Variants in MECOM observed in about 807,000 individuals in gnomAD.
The protein encoded by MECOM is MDS1 and EVI1 complex locus, also known as histone-lysine N-methyltransferase MECOM.
Under a neutral mutation model 116.3 loss-of-function variants are expected in MECOM, and 13 were observed. The ratio of observed to expected loss-of-function variants is 0.11; its 90% CI spans 0.07 to 0.18. MECOM has a LOEUF of 0.18. Among genes scored for constraint, MECOM ranks in the 10% least tolerant of loss-of-function variants. The probability of loss-of-function intolerance (pLI) is 1.00; values close to 1 mark genes in which losing one functional copy is unlikely to be tolerated. For missense variants in MECOM, 1,299 were observed against 1,509.0 expected, an observed-to-expected ratio of 0.86 and a Z score of 2.31; for synonymous variants, 528 against 535.2, an observed-to-expected ratio of 0.99 and a Z score of 0.19.
chr3:169,494,044 G>A (rs1207633775), intron 1 of MECOM, among the ~76,000 whole-genome samples: 4 of 152,040 alleles, frequency 2.6e-5, no homozygotes, highest in African/African-American at 9.7e-5. Context: ...AGATCAAAGA[G>A]GTAGAGCTTT....
At chr3:169,231,871 C>T (rs562181175) in intron 2 of MECOM, among the ~76,000 whole-genome samples, 1 of 152,088 alleles carries the variant, frequency 6.6e-6, no homozygotes, top group South Asian at 2.1e-4. Flanking sequence ...TCTACAGATC[C>T]TATATACTTG....
At chr3:169,229,209 A>AAG (rs1263560792) in intron 2 of MECOM, among the ~76,000 whole-genome samples, 1 of 152,186 alleles carries the variant, frequency 6.6e-6, no homozygotes, top group East Asian at 1.9e-4. Flanking sequence ...ACAGGAACTG[A>AAG]AGAGATTCCT....
intron 1 of MECOM, among the ~76,000 whole-genome samples, chr3:169,587,263 T>G (rs1438846490): frequency 1.3e-5 from 2 of 152,174 alleles, no homozygotes; most frequent in African/African-American, 4.8e-5. Flanking sequence ...TCAGCAACAT[T>G]TATCAAAAAG....
At position 169,421,688 on chromosome 3, in the gene MECOM, A is replaced by T. The variant is rs188397412; in HGVS notation, c.38-40164T>A. 5.3e-3 allele frequency among the ~76,000 whole-genome samples: 697 copies of T among 132,572 alleles called. 8 individuals carry two copies. Among genetic ancestry groups the T allele is most frequent in the African/African-American group, 0.017 (577 of 34,864 alleles). 87.0% of individuals were successfully genotyped at this position (132,572 alleles called of 152,430 possible). ...TCACTTATAGCATGTTTGTTTTTTT[A>T]AAAAAAAAAAACAAAACGATTTCTT... On this transcript the variant is annotated intron_variant, in intron 1 of 16. Transcript: ENST00000651503.
intron 1 of MECOM, among the ~76,000 whole-genome samples, chr3:169,424,573 G>A (rs755959045): frequency 6.6e-6 from 1 of 152,056 alleles, no homozygotes; most frequent in Non-Finnish European, 1.5e-5. Context: ...CTTCTGAAGG[G>A]TACACAATGT....
At chr3:169,647,588 C>T (rs993336592) in intron 1 of MECOM, among the ~76,000 whole-genome samples, 5 of 152,118 alleles carry the variant, frequency 3.3e-5, no homozygotes, top group African/African-American at 1.2e-4. Flanking sequence ...AAATATTGTG[C>T]TCTAAGGGAT....
At chr3:169,634,131 G>T (rs907601722) in intron 1 of MECOM, among the ~76,000 whole-genome samples, 3 of 151,968 alleles carry the variant, frequency 2.0e-5, no homozygotes, top group Non-Finnish European at 2.9e-5. Context: ...GAGGAAAACT[G>T]CATTAATGAC....
intron 1 of MECOM, among the ~76,000 whole-genome samples, chr3:169,452,063 C>G (rs976094075): frequency 2.6e-5 from 4 of 151,928 alleles, no homozygotes; most frequent in African/African-American, 7.3e-5. Context: ...GGTAGTCCTT[C>G]CCAAATAATA....
chr3:169,545,923 A>G (rs192852703), intron 1 of MECOM, among the ~76,000 whole-genome samples: 220 of 152,264 alleles, frequency 1.4e-3, no homozygotes, highest in African/African-American at 5.1e-3. Context: ...ATGGCCCTCA[A>G]CAGGAATGAT....
intron 1 of MECOM, chr3:169,470,178 G>A (rs1748973153): frequency 6.6e-6 from 1 of 152,156 alleles, no homozygotes; most frequent in Admixed American, 6.5e-5. Context: ...AGCTTATTGA[G>A]GAGCTCTTCA....
At chr3:169,169,928 A>C (rs1056062774) in intron 2 of MECOM, among the ~76,000 whole-genome samples, 1 of 152,066 alleles carries the variant, frequency 6.6e-6, no homozygotes, top group African/African-American at 2.4e-5. Flanking sequence ...CTAATTAAGT[A>C]ATATTTTAGG....
At chr3:169,102,776 A>T (rs1302383667) in intron 10 of MECOM, among the ~76,000 whole-genome samples, 1 of 152,172 alleles carries the variant, frequency 6.6e-6, no homozygotes, top group Non-Finnish European at 1.5e-5. Context: ...CTAAGACTAC[A>T]TTAAATTAAC....
At chr3:169,215,505 T>G (rs1377841199) in intron 2 of MECOM, among the ~76,000 whole-genome samples, 1 of 152,166 alleles carries the variant, frequency 6.6e-6, no homozygotes, top group Non-Finnish European at 1.5e-5. Flanking sequence ...CAACGATGGT[T>G]ACATAGATTT....
At position 169,611,122 on chromosome 3, in the gene MECOM, T is replaced by C. The variant is rs771356857; in HGVS notation, c.37+52214A>G. On this transcript the variant is annotated intron_variant, in intron 1 of 16. Transcript: ENST00000651503. The surrounding 1 kb of genome is among the most constrained non-coding windows in gnomAD (Gnocchi z 4.1). ...AATCTGTTTTTGTTGATACTGCTGC[T>C]GCTGCGGTTTTTAACACATGCTTCA... Among the ~76,000 whole-genome samples the C allele has an allele frequency of 3.3e-4, 50 of 152,368 alleles. No homozygotes were observed. Among genetic ancestry groups the C allele is most frequent in the South Asian group, 1.0e-3 (5 of 4,828 alleles).
intron 2 of MECOM, among the ~76,000 whole-genome samples, chr3:169,309,948 C>T (rs1257482975): frequency 6.6e-6 from 1 of 152,170 alleles, no homozygotes; most frequent in Non-Finnish European, 1.5e-5. Flanking sequence ...CGGGCAAAAC[C>T]AAACATTCCA....
At chr3:169,651,509 T>C (rs1248177019) in intron 1 of MECOM, among the ~76,000 whole-genome samples, 2 of 152,122 alleles carry the variant, frequency 1.3e-5, no homozygotes, top group African/African-American at 4.8e-5. Flanking sequence ...CTGGATGAGA[T>C]TGGAGACTAT....
chr3:169,533,658 C>T (rs962019400), intron 1 of MECOM, among the ~76,000 whole-genome samples: 7 of 144,398 alleles, frequency 4.8e-5, no homozygotes, highest in East Asian at 2.0e-4. Context: ...TTATCTGACA[C>T]GACTTATTAG....
At chr3:169,273,230 A>T (rs938776610) in intron 2 of MECOM, among the ~76,000 whole-genome samples, 1 of 152,206 alleles carries the variant, frequency 6.6e-6, no homozygotes, top group African/African-American at 2.4e-5. Flanking sequence ...GTTACAAAGC[A>T]AGGGTATACA....
At chr3:169,141,970 T>C (rs770203852) in intron 3 of MECOM, among the ~76,000 whole-genome samples, 1 of 152,006 alleles carries the variant, frequency 6.6e-6, no homozygotes, top group Non-Finnish European at 1.5e-5. Flanking sequence ...AAACACGCTA[T>C]TCATTAAGTC....
Sources: gnomAD v4.1 joint callset for allele counts (sites outside exome capture counted in the v4.1 genomes callset) on GRCh38, gnomAD v4.1.1 for gene constraint, Gnocchi (gnomAD v3.1) non-coding constraint, MANE v1.5 for transcripts, NCBI Gene and HGNC (gene_info 2026-07-23, HGNC 2026-07-21) for gene names.